CUX1: variants seen among roughly 807,000 people sequenced by gnomAD.
The protein encoded by CUX1 is cut like homeobox 1.
In CUX1, 31 loss-of-function variants were observed where a neutral mutation model predicts 158.8. That is an observed-to-expected ratio of 0.20 (90% confidence interval 0.15 to 0.26). The LOEUF is 0.26. CUX1 is among the 10% of genes least tolerant of loss of function. CUX1 has a pLI of 1.00. For synonymous variants in CUX1, 879 were observed against 862.1 expected, an observed-to-expected ratio of 1.02 and a Z score of -0.34; for missense variants, 1,589 against 2,014.6, an observed-to-expected ratio of 0.79 and a Z score of 4.04.
At chr7:102,225,455 G>A (rs551094556) in intron 20 of CUX1, among the ~76,000 whole-genome samples, 2 of 152,304 alleles carry the variant, frequency 1.3e-5, no homozygotes, top group South Asian at 4.1e-4. Context: ...TTGAAGTTAA[G>A]TTGCTGCTCT....
intron 1 of CUX1, among the ~76,000 whole-genome samples, chr7:101,837,864 C>T (rs1170122916): frequency 7.7e-6 from 1 of 130,144 alleles, no homozygotes; most frequent in Admixed American, 7.7e-5. Flanking sequence ...AAAAAGGATA[C>T]CAAAATTCTC....
chr7:102,209,589 T>C (rs1554522591), intron 20 of CUX1, among the ~76,000 whole-genome samples: 1 of 152,232 alleles, frequency 6.6e-6, no homozygotes. Context: ...GTTTGCTTCT[T>C]GCAAAATGCC....
intron 2 of CUX1, among the ~76,000 whole-genome samples, chr7:102,008,414 C>G (rs1211485609): frequency 3.9e-5 from 6 of 152,050 alleles, no homozygotes; most frequent in Admixed American, 3.9e-4. Context: ...TGCCCCCAGC[C>G]CAGCAAAGAG....
intron 4 of CUX1, among the ~76,000 whole-genome samples, chr7:102,075,697 C>CA (rs1826629982): frequency 6.6e-6 from 1 of 152,220 alleles, no homozygotes; most frequent in African/African-American, 2.4e-5. Context: ...GCGAGCACTG[C>CA]AGAGCACTAA....
At chr7:101,825,784 TGTGTGTGTGTGTGTGCGCGC>T (rs1252880626) in intron 1 of CUX1, among the ~76,000 whole-genome samples, 3 of 101,428 alleles carry the variant, frequency 3.0e-5, no homozygotes, top group African/African-American at 1.4e-4. Flanking sequence ...TGTGTGTGTG[TGTGTGTGTGTGTGTGCGCGC>T]GCGCGCGCAG....
intron 8 of CUX1, among the ~76,000 whole-genome samples, chr7:102,122,855 A>C (rs1319503578): frequency 6.6e-6 from 1 of 152,162 alleles, no homozygotes; most frequent in African/African-American, 2.4e-5. Flanking sequence ...CGATAGAGTA[A>C]GGACAGGGTG....
chr7:101,928,295 A>G (rs1379404999), intron 2 of CUX1, among the ~76,000 whole-genome samples: 1 of 151,982 alleles, frequency 6.6e-6, no homozygotes, highest in Non-Finnish European at 1.5e-5. Flanking sequence ...AGGTCAATAA[A>G]TGGCTTATTG....
intron 22 of CUX1, among the ~76,000 whole-genome samples, chr7:102,234,495 C>A (rs1469366369): frequency 6.6e-6 from 1 of 152,074 alleles, no homozygotes; most frequent in Non-Finnish European, 1.5e-5. Context: ...CCAAGGAGAG[C>A]GAAACAGCTC....
chr7:102,243,013 C>A (rs1800385740), intron 23 of CUX1, among the ~76,000 whole-genome samples: 1 of 152,156 alleles, frequency 6.6e-6, no homozygotes, highest in African/African-American at 2.4e-5. Context: ...GTAGCTTATG[C>A]CCGTAATCCT....
chr7:102,212,269 CT>C (rs1796611906), intron 20 of CUX1, among the ~76,000 whole-genome samples: 1 of 152,188 alleles, frequency 6.6e-6, no homozygotes, highest in Admixed American at 6.5e-5. Flanking sequence ...CCACAGCCCA[CT>C]TTAGGTTTTG....
intron 12 of CUX1, among the ~76,000 whole-genome samples, chr7:102,190,593 C>G (rs2131903993): frequency 6.6e-6 from 1 of 152,336 alleles, no homozygotes; most frequent in Non-Finnish European, 1.5e-5. Flanking sequence ...AGCCTTCCCA[C>G]TGGCATGCCC....
intron 2 of CUX1, among the ~76,000 whole-genome samples, chr7:101,997,342 T>C (rs1010237262): frequency 6.6e-6 from 1 of 152,142 alleles, no homozygotes; most frequent in African/African-American, 2.4e-5. Flanking sequence ...GTTTGTTTGT[T>C]TGTTTGTTTT....
chr7:102,032,893 A>G (rs1406744431), intron 3 of CUX1, among the ~76,000 whole-genome samples: 2 of 152,164 alleles, frequency 1.3e-5, no homozygotes, highest in Non-Finnish European at 2.9e-5. Flanking sequence ...TTCTAGCCCA[A>G]CAATTTAGAC....
chr7:101,996,980 C>T (rs532076771), intron 2 of CUX1, among the ~76,000 whole-genome samples: 13 of 151,800 alleles, frequency 8.6e-5, no homozygotes, highest in Middle Eastern at 3.4e-3. Flanking sequence ...CCCCTGCGCT[C>T]GTGTGCACTC....
At chr7:101,862,762 G>GGTGT (rs112021293) in intron 1 of CUX1, among the ~76,000 whole-genome samples, 5 of 151,052 alleles carry the variant, frequency 3.3e-5, no homozygotes, top group Admixed American at 6.6e-5. Context: ...GTAAGTCCCC[G>GGTGT]GTGTGTGTGT....
At chr7:102,175,184 G>A (rs564096103) in intron 10 of CUX1, among the ~76,000 whole-genome samples, 41 of 152,288 alleles carry the variant, frequency 2.7e-4, no homozygotes, top group African/African-American at 8.4e-4. Flanking sequence ...TCGACCACCC[G>A]CTGCCCGGTC....
intron 1 of CUX1, among the ~76,000 whole-genome samples, chr7:101,884,697 T>TA (rs1156774522): frequency 6.6e-6 from 1 of 152,216 alleles, no homozygotes; most frequent in Non-Finnish European, 1.5e-5. Context: ...TGTTTTTCCT[T>TA]TTTGCAAATT....
intron 2 of CUX1, among the ~76,000 whole-genome samples, chr7:101,974,146 A>G (rs531664688): frequency 6.6e-6 from 1 of 151,642 alleles, no homozygotes; most frequent in South Asian, 2.1e-4. Flanking sequence ...TCTCACTGCA[A>G]CGTCCACCTC....
intron 2 of CUX1, among the ~76,000 whole-genome samples, chr7:101,917,146 C>T (rs925395471): frequency 1.3e-5 from 2 of 152,220 alleles, no homozygotes; most frequent in East Asian, 1.9e-4. Flanking sequence ...CCATATAAGA[C>T]ATAGGAACAT....
Sources: allele counts gnomAD v4.1 joint callset (sites outside exome capture counted in the v4.1 genomes callset), GRCh38; gene constraint gnomAD v4.1.1; transcripts MANE v1.5; gene names NCBI Gene and HGNC (gene_info 2026-07-23, HGNC 2026-07-21).